Variants in CALD1 observed in about 807,000 individuals in gnomAD.
The protein encoded by CALD1 is caldesmon 1.
In CALD1, 33 loss-of-function variants were observed where a neutral mutation model predicts 99.9. The observed-to-expected ratio is 0.33, with a 90% CI of 0.25 to 0.44. CALD1 has a LOEUF of 0.44. CALD1 is among the 20% of genes least tolerant of loss of function. The probability of loss-of-function intolerance (pLI) is 1.00; values close to 1 mark genes in which losing one functional copy is unlikely to be tolerated. For missense variants in CALD1, 861 were observed against 962.1 expected (o/e 0.89, Z 1.39); for synonymous variants, 310 against 325.0 (o/e 0.95, Z 0.50).
intron 2 of CALD1, among the ~76,000 whole-genome samples, chr7:134,848,823 T>C (rs1799958997): frequency 6.6e-6 from 1 of 152,232 alleles, no homozygotes; most frequent in Non-Finnish European, 1.5e-5. Context: ...GCTAATGGTT[T>C]ATAAATTTTA....
intron 7 of CALD1, among the ~76,000 whole-genome samples, chr7:134,943,148 T>C (rs1584633322): frequency 6.6e-6 from 1 of 152,186 alleles, no homozygotes; most frequent in Non-Finnish European, 1.5e-5. Flanking sequence ...ACATATAAAA[T>C]GAGGAGAGAG....
intron 1 of CALD1, among the ~76,000 whole-genome samples, chr7:134,801,440 T>G (rs990156256): frequency 6.6e-6 from 1 of 152,228 alleles, no homozygotes; most frequent in African/African-American, 2.4e-5. Flanking sequence ...AATTCCTATT[T>G]GCTGAACTTA....
intron 2 of CALD1, among the ~76,000 whole-genome samples, chr7:134,864,347 C>A (rs868063002): frequency 1.1e-3 from 145 of 126,814 alleles, no homozygotes; most frequent in East Asian, 1.9e-3. Context: ...AACTCCATCT[C>A]AAAAAAAAAA....
the CALD1 span, among the ~76,000 whole-genome samples, chr7:134,725,634 T>C: frequency 6.6e-6 from 1 of 152,202 alleles, no homozygotes; most frequent in Non-Finnish European, 1.5e-5. Context: ...CCAAGGGCAA[T>C]GGGCTGAATG....
At chr7:134,891,565 C>G in intron 3 of CALD1, 2 of 1,569,398 alleles carry the variant, frequency 1.3e-6, no homozygotes, top group East Asian at 2.3e-5. Flanking sequence ...CCTGACCGCC[C>G]GGCCTGGCCA....
intron 1 of CALD1, among the ~76,000 whole-genome samples, chr7:134,842,246 C>G (rs2132153445): frequency 6.6e-6 from 1 of 152,314 alleles, no homozygotes; most frequent in South Asian, 2.1e-4. Flanking sequence ...TGAATACTGG[C>G]CTCACCACTA....
intron 13 of CALD1, among the ~76,000 whole-genome samples, chr7:134,963,605 A>C (rs991205773): frequency 1.3e-5 from 2 of 152,244 alleles, no homozygotes; most frequent in Admixed American, 6.5e-5. Flanking sequence ...TACTAATATA[A>C]GCAAATGCTG....
At chr7:134,945,673 T>C (rs1272554397) in intron 7 of CALD1, among the ~76,000 whole-genome samples, 1 of 152,184 alleles carries the variant, frequency 6.6e-6, no homozygotes, top group Non-Finnish European at 1.5e-5. Flanking sequence ...AAGAATGACA[T>C]GTAAGTAATA....
At chr7:134,718,989 T>C in the CALD1 span, among the ~76,000 whole-genome samples, 110,248 of 152,110 alleles carry the variant, frequency 0.72, 41,171 homozygotes, top group East Asian at 0.99. Flanking sequence ...GCTAGCCTCA[T>C]GACTACTGTG....
intron 2 of CALD1, among the ~76,000 whole-genome samples, chr7:134,848,530 T>C (rs1294832366): frequency 1.3e-5 from 2 of 152,186 alleles, no homozygotes; most frequent in African/African-American, 4.8e-5. Flanking sequence ...TGACCAAATA[T>C]GATATATCAT....
At chr7:134,832,186 T>C (rs1239790669) in intron 1 of CALD1, among the ~76,000 whole-genome samples, 1 of 152,232 alleles carries the variant, frequency 6.6e-6, no homozygotes, top group Non-Finnish European at 1.5e-5. Flanking sequence ...TTCGTCATTT[T>C]TGTCTCTTAA....
At chr7:134,721,642 G>A in the CALD1 span, among the ~76,000 whole-genome samples, 1 of 151,974 alleles carries the variant, frequency 6.6e-6, no homozygotes, top group South Asian at 2.1e-4. Context: ...AAGACCGAGG[G>A]GGTCTACAGC....
chr7:134,887,639 T>A (rs190713625), intron 3 of CALD1, among the ~76,000 whole-genome samples: 1 of 151,756 alleles, frequency 6.6e-6, no homozygotes, highest in East Asian at 1.9e-4. Context: ...TGTGTGTACA[T>A]GCATGTCTGT....
chr7:134,950,224 G>C, intron 8 of CALD1, 150 bp from the exon 9 acceptor site: 1 of 658,262 alleles, frequency 1.5e-6, no homozygotes, highest in Non-Finnish European at 2.5e-6. Flanking sequence ...CAGCTCTCAG[G>C]CTAAACCTCT....
At chr7:134,850,954 GC>G (rs1208104679) in intron 2 of CALD1, among the ~76,000 whole-genome samples, 1 of 152,198 alleles carries the variant, frequency 6.6e-6, no homozygotes, top group Non-Finnish European at 1.5e-5. Flanking sequence ...CTAGCCTGCT[GC>G]CATGTAAGAC....
intron 1 of CALD1, among the ~76,000 whole-genome samples, chr7:134,808,347 A>T (rs577211842): frequency 1.1e-4 from 17 of 152,026 alleles, no homozygotes; most frequent in Admixed American, 1.1e-3. Context: ...GGCTCAAGTG[A>T]TCCTCCCAAC....
chr7:134,936,801 T>C (rs963213429), intron 6 of CALD1, among the ~76,000 whole-genome samples: 1 of 152,234 alleles, frequency 6.6e-6, no homozygotes, highest in Non-Finnish European at 1.5e-5. Context: ...CTGTTTCTAA[T>C]AGAAGTTGTG....
chr7:134,894,675 G>GACCT (rs1442898655), intron 3 of CALD1, among the ~76,000 whole-genome samples: 1 of 152,176 alleles, frequency 6.6e-6, no homozygotes, highest in Non-Finnish European at 1.5e-5. Context: ...TGAATGCCAA[G>GACCT]ACCTACACAA....
Position 134,933,278 on chromosome 7 carries a change from A to G in CALD1, c.509A>G (p.Lys170Arg). 1 of 1,606,914 alleles carries G rather than the reference A, an allele frequency of 6.2e-7. No homozygotes were observed. Among genetic ancestry groups the G allele is most frequent in the Non-Finnish European group, 8.5e-7 (1 of 1,177,052 alleles). The change falls in exon 5 of 15, where the codon AAG becomes AGG. Residue 170 changes from lysine (K) to arginine (R), a missense_variant. Physicochemically the swap from Lys to Arg is conservative, Grantham distance 26 (BLOSUM62 2). Around this residue, in one of 5 missense-constraint regions of CALD1, gnomAD observed 234 missense variants for 233.1 expected, o/e 1.00. Coordinates refer to ENST00000361675, the MANE Select transcript of CALD1 (RefSeq NM_033138.4). The part of the protein sequence containing the change: ...YEIEETETVT[K>R]SYQKNDWRDA... ...ATAGAGGAAACAGAAACAGTCACCA[A>G]GTCCTACCAGAAGAATGATTGGAGG...
Sources: gnomAD v4.1 joint callset for allele counts (sites outside exome capture counted in the v4.1 genomes callset) on GRCh38, gnomAD v4.1.1 for gene constraint, gnomAD v4.1.1 regional missense constraint, MANE v1.5 for transcripts, NCBI Gene and HGNC (gene_info 2026-07-23, HGNC 2026-07-21) for gene names.